The following FSCN1 variants were observed in gnomAD, a reference collection of about 807,000 sequenced individuals.
FSCN1 encodes the protein fascin actin-bundling protein 1.
A neutral mutation model predicts 39.7 loss-of-function variants in FSCN1; 10 were observed. The ratio of observed to expected loss-of-function variants is 0.25; its 90% CI spans 0.16 to 0.43. The LOEUF is 0.43. FSCN1 is among the 20% of genes least tolerant of loss of function. The pLI is 1.00. For synonymous variants in FSCN1, 322 were observed against 320.0 expected (o/e 1.01, Z -0.07); for missense variants, 525 against 723.8 (o/e 0.73, Z 3.15).
In FSCN1 at chr7:5,603,650, C is replaced by A; in HGVS notation, c.1111+33C>A. Reference sequence around the variant, plus strand: ...TAAAGCCCCAGTTCCCTGGAGCCGTCCTGGAGTCCTGGAGGGTCTGGCCAT... The same window carrying A: ...TAAAGCCCCAGTTCCCTGGAGCCGTACTGGAGTCCTGGAGGGTCTGGCCAT... On this transcript the variant is annotated intron_variant, in intron 3 of 4. Coordinates refer to ENST00000382361, the MANE Select transcript of FSCN1 (RefSeq NM_003088.4). The surrounding 1 kb of genome is among the most constrained non-coding windows in gnomAD (Gnocchi z 8.5). 6.2e-7 allele frequency: 1 copy of A among 1,613,144 alleles called. No homozygotes were observed. Among genetic ancestry groups the A allele is most frequent in the East Asian group, 2.2e-5 (1 of 44,874 alleles).
Position 5,599,266 on chromosome 7 carries a change from G to T in FSCN1, c.833-3991G>T, listed in dbSNP as rs1785785613. The stretch of plus-strand genomic sequence containing the variant: ...TTAAGGGGCCCCAGGGAACCTGGGG[G>T]GTGGAGCCCAAGGGGTTCCAAGAAG... On this transcript the variant is annotated intron_variant, in intron 1 of 4. Coordinates refer to ENST00000382361, the MANE Select transcript of FSCN1 (RefSeq NM_003088.4). The surrounding 1 kb of genome is among the most constrained non-coding windows in gnomAD (Gnocchi z 5.6). 6.6e-6 allele frequency among the ~76,000 whole-genome samples: 1 copy of T among 152,304 alleles called. No individual in the cohort carries two copies. The highest frequency in any genetic ancestry group is 6.5e-5 in the Admixed American group (1 of 15,302).
intron 1 of FSCN1, among the ~76,000 whole-genome samples, chr7:5,597,738 G>GA (rs1394447088): frequency 7.1e-6 from 1 of 141,390 alleles, no homozygotes; most frequent in Non-Finnish European, 1.6e-5. Context: ...ATAATTAAAA[G>GA]AAAAAAGTTA....
chr7:5,593,435 C>A lies in FSCN1; in HGVS notation c.499C>A (p.Arg167Ser). Residue 167 changes from arginine (R) to serine (S), a missense_variant, in exon 1 of 5, where the codon CGC becomes AGC. Arg to Ser is a moderately radical substitution (Grantham distance 110, BLOSUM62 -1). This residue lies in a region of FSCN1 where 246 missense variants were observed against 350.6 expected (regional missense o/e 0.70). Transcript: ENST00000382361. ...ARPADEIAVD[R>S]DVPWGVDSLI... ...GCCGGCCGACGAGATCGCCGTGGAC[C>A]GCGACGTGCCCTGGGGCGTCGACTC... 1.9e-6 allele frequency: 3 copies of A among 1,612,062 alleles called. No individual in the cohort carries two copies. The highest frequency in any genetic ancestry group is 2.5e-6 in the Non-Finnish European group (3 of 1,179,746).
chr7:5,594,346 G>A (rs1210366012), intron 1 of FSCN1, among the ~76,000 whole-genome samples: 2 of 151,644 alleles, frequency 1.3e-5, no homozygotes, highest in Non-Finnish European at 2.9e-5. Flanking sequence ...GCCGGGCGGG[G>A]TCGGCCTCCG....
At chr7:5,601,013 A>G (rs1472222504) in intron 1 of FSCN1, among the ~76,000 whole-genome samples, 1 of 111,698 alleles carries the variant, frequency 9.0e-6, no homozygotes, top group African/African-American at 3.8e-5. Flanking sequence ...CTGGTCTCAA[A>G]CTCCTGACCT....
rs534109521 is a variant in FSCN1, at chr7:5,601,197, CTTTTTTTTT to C, written c.833-2045_833-2037del. 3.5e-5 allele frequency among the ~76,000 whole-genome samples: 4 copies of C among 115,552 alleles called. 1 individual carries two copies. Among genetic ancestry groups the C allele is most frequent in the Non-Finnish European group, 5.2e-5 (3 of 57,180 alleles). The allele number at this position is 115,552 out of a possible 152,430, so 75.8% of individuals were successfully genotyped here. On this transcript the variant is annotated intron_variant, in intron 1 of 4. Coordinates refer to ENST00000382361, the MANE Select transcript of FSCN1 (RefSeq NM_003088.4). ...TCTGTGCATGTTTCTTTCTTTCTTC[CTTTTTTTTT>C]TTTTTTTTTTTTTTGAGATGGATTC...
rs1388656386 is a variant in FSCN1, at chr7:5,599,798, C to A, written c.833-3459C>A. Among the ~76,000 whole-genome samples, 3 of 151,940 alleles carry A rather than the reference C, an allele frequency of 2.0e-5. No homozygotes were observed. Among genetic ancestry groups the A allele is most frequent in the African/African-American group, 7.3e-5 (3 of 41,340 alleles). Reference sequence around the variant, plus strand: ...CTCCAGCCTGGGCAACAGAGCAAGACCCTATCTCTAAAAAAAAAATGGAAT... The same window carrying A: ...CTCCAGCCTGGGCAACAGAGCAAGAACCTATCTCTAAAAAAAAAATGGAAT... On this transcript the variant is annotated intron_variant, in intron 1 of 4. Coordinates refer to ENST00000382361, the MANE Select transcript of FSCN1 (RefSeq NM_003088.4). This position sits in a 1 kb window ranked among gnomAD's most constrained non-coding sequence, Gnocchi z 5.6.
At position 5,603,553 on chromosome 7, in the gene FSCN1, G is replaced by A. The variant is rs1220695727; in HGVS notation, c.1047G>A (p.Ala349=). 13 of 1,614,016 alleles carry A rather than the reference G, an allele frequency of 8.1e-6. No individual in the cohort carries two copies. Among genetic ancestry groups the A allele is most frequent in the Middle Eastern group, 3.3e-4 (2 of 6,084 alleles). Residue 349 remains alanine (A), a synonymous_variant, in exon 3 of 5, where the codon GCG becomes GCA. Transcript: ENST00000382361. This position sits in a 1 kb window ranked among gnomAD's most constrained non-coding sequence, Gnocchi z 8.5. ...EWRDRRITLR[A]SNGKFVTSKK... is the part of the protein sequence containing the mutation. The stretch of plus-strand genomic sequence containing the variant: ...GTGACCGGCGCATCACACTGAGGGC[G>A]TCCAATGGCAAGTTTGTGACCTCCA...
At chr7:5,604,995 A>G (rs1785906839) in intron 4 of FSCN1, among the ~76,000 whole-genome samples, 2 of 151,626 alleles carry the variant, frequency 1.3e-5, no homozygotes. Flanking sequence ...GCTGGCTCGA[A>G]CTCCTGACCT....
rs578243604 is a variant in FSCN1 at position 5,599,183 on chromosome 7, G to A, written c.833-4074G>A. 2.6e-5 allele frequency among the ~76,000 whole-genome samples: 4 copies of A among 152,252 alleles called. No homozygotes were observed. The South Asian group carries it at 8.3e-4, about 32-fold the overall frequency. ...CGTGCTTGGCTGGGGTGTGGTGGCT[G>A]AGCCAGCCCACCCAGTGCGGTGGAT... On this transcript the variant is annotated intron_variant, in intron 1 of 4. Transcript: ENST00000382361. The surrounding 1 kb of genome is among the most constrained non-coding windows in gnomAD (Gnocchi z 5.6).
chr7:5,600,437 C>T (rs1218850156), intron 1 of FSCN1, among the ~76,000 whole-genome samples: 1 of 152,046 alleles, frequency 6.6e-6, no homozygotes, highest in Admixed American at 6.6e-5. Context: ...AGCAGCTTTG[C>T]TATAGCTTAG....
In FSCN1 at chr7:5,593,419, C is replaced by G. The variant is rs1389965795; in HGVS notation, c.483C>G (p.Asp161Glu). 2 of 1,612,162 alleles carry G rather than the reference C, an allele frequency of 1.2e-6. No homozygotes were observed. Among genetic ancestry groups the G allele is most frequent in the Middle Eastern group, 1.7e-4 (1 of 5,938 alleles). Residue 161 changes from aspartate to glutamate, a missense_variant, in exon 1 of 5, where the codon GAC becomes GAG. This residue lies in a region of FSCN1 where 246 missense variants were observed against 350.6 expected (regional missense o/e 0.70). Coordinates refer to ENST00000382361, the MANE Select transcript of FSCN1 (RefSeq NM_003088.4). ...CGCACCTGAGCGCGCGGCCGGCCGA[C>G]GAGATCGCCGTGGACCGCGACGTGC... ...RYAHLSARPA[D>E]EIAVDRDVPW...
At chr7:5,604,962 C>G (rs6963004) in intron 4 of FSCN1, among the ~76,000 whole-genome samples, 4,175 of 151,980 alleles carry the variant, frequency 0.027, 163 homozygotes, top group African/African-American at 0.095. Flanking sequence ...TTAGTAGAGA[C>G]GGAGCTTCAC....
chr7:5,593,426 G>T lies in FSCN1; in HGVS notation c.490G>T (p.Ala164Ser), dbSNP rs1350676129. The change falls in exon 1 of 5, where the codon GCC (alanine) becomes TCC (serine). Residue 164 changes from alanine to serine, a missense_variant. Physicochemically the swap from Ala to Ser is moderately conservative, Grantham distance 99. Coordinates refer to ENST00000382361, the MANE Select transcript of FSCN1 (RefSeq NM_003088.4). ...HLSARPADEI[A>S]VDRDVPWGVD... is the part of the protein sequence containing the mutation. ...GAGCGCGCGGCCGGCCGACGAGATC[G>T]CCGTGGACCGCGACGTGCCCTGGGG... 6.2e-7 allele frequency: 1 copy of T among 1,612,108 alleles called. No individual in the cohort carries two copies. The highest frequency in any genetic ancestry group is 1.3e-5 in the African/African-American group (1 of 75,044).
chr7:5,605,205 C>A lies in FSCN1; in HGVS notation c.1280-67C>A. On this transcript the variant is annotated intron_variant, in intron 4 of 4. Transcript: ENST00000382361. This position sits in a 1 kb window ranked among gnomAD's most constrained non-coding sequence, Gnocchi z 6.9. ...ACCCTTGGGAACACCCGTGCCCACC[C>A]TCCGCTGCCCAGGGTAGGGGTGGGG... The A allele has an allele frequency of 7.9e-7, 1 of 1,266,812 alleles. No individual in the cohort carries two copies. The highest frequency in any genetic ancestry group is 1.1e-6 in the Non-Finnish European group (1 of 876,328). The allele number at this position is 1,266,812 out of a possible 1,614,324, so 78.5% of individuals were successfully genotyped here. A position where few individuals can be genotyped will look rare whatever the true frequency, so the allele number is the denominator to read the frequency against.
At chr7:5,602,237 A>G (rs1394054428) in intron 1 of FSCN1, among the ~76,000 whole-genome samples, 2 of 148,982 alleles carry the variant, frequency 1.3e-5, no homozygotes, top group East Asian at 4.0e-4. Flanking sequence ...GGGTCTTGCT[A>G]AGTTGTCCAG....
chr7:5,601,113 A>G (rs1423585825), intron 1 of FSCN1, among the ~76,000 whole-genome samples: 1 of 151,508 alleles, frequency 6.6e-6, no homozygotes, highest in Non-Finnish European at 1.5e-5. Context: ...TTTTAGGGAC[A>G]TGGAATCATG....
intron 1 of FSCN1, among the ~76,000 whole-genome samples, chr7:5,600,296 C>T (rs1461608187): frequency 6.6e-6 from 1 of 151,536 alleles, no homozygotes; most frequent in Non-Finnish European, 1.5e-5. Context: ...TGCCTGTAAT[C>T]CCAGCTACTC....
Position 5,603,909 on chromosome 7 carries a change from C to T in FSCN1, c.1158C>T (p.Ile386=), listed in dbSNP as rs749144857. The T allele has an allele frequency of 2.5e-5, 41 of 1,614,066 alleles. No homozygotes were observed. Among genetic ancestry groups the T allele is most frequent in the Middle Eastern group, 1.6e-4 (1 of 6,062 alleles). Reference sequence around the variant, plus strand: ...TGAAGCTCATCAACCGCCCCATCATCGTGTTCCGCGGGGAGCATGGCTTCA... The same window carrying T: ...TGAAGCTCATCAACCGCCCCATCATTGTGTTCCGCGGGGAGCATGGCTTCA... ...FLMKLINRPI[I]VFRGEHGFIG... The change falls in exon 4 of 5, where the codon ATC becomes ATT. Residue 386 remains isoleucine, a synonymous_variant. Transcript: ENST00000382361. The surrounding 1 kb of genome is among the most constrained non-coding windows in gnomAD (Gnocchi z 8.5).
Sources: gnomAD v4.1 joint callset for allele counts (sites outside exome capture counted in the v4.1 genomes callset) on GRCh38, gnomAD v4.1.1 for gene constraint, gnomAD v4.1.1 regional missense constraint, Gnocchi (gnomAD v3.1) non-coding constraint, MANE v1.5 for transcripts, NCBI Gene and HGNC (gene_info 2026-07-23, HGNC 2026-07-21) for gene names.